Variants in PTPN4 observed in about 807,000 individuals in gnomAD.
PTPN4 encodes tyrosine-protein phosphatase non-receptor type 4.
A neutral mutation model predicts 135.5 loss-of-function variants in PTPN4; 49 were observed. That is an observed-to-expected ratio of 0.36 (90% CI 0.29 to 0.46). PTPN4 has a LOEUF of 0.46. Among genes scored for constraint, PTPN4 ranks in the 20% least tolerant of loss-of-function variants. The pLI, the probability that PTPN4 is intolerant of heterozygous loss-of-function variation, is 1.00. For synonymous variants in PTPN4, 333 were observed against 369.9 expected (o/e 0.90, Z 1.14); for missense variants, 860 against 1,101.0 (o/e 0.78, Z 3.10).
chr2:119,937,773 A>G (rs1679004609), intron 15 of PTPN4, among the ~76,000 whole-genome samples: 1 of 152,130 alleles, frequency 6.6e-6, no homozygotes, highest in Non-Finnish European at 1.5e-5. Context: ...ACATTTTCCA[A>G]AATGTCAGAT....
intron 26 of PTPN4, among the ~76,000 whole-genome samples, chr2:119,975,900 G>A (rs1293753916): frequency 1.3e-5 from 2 of 151,794 alleles, no homozygotes; most frequent in Non-Finnish European, 2.9e-5. Context: ...ATTTAATGAA[G>A]TCTAGTCTAG....
At chr2:119,905,406 G>A (rs541141176) in intron 10 of PTPN4, among the ~76,000 whole-genome samples, 12 of 152,260 alleles carry the variant, frequency 7.9e-5, no homozygotes, top group African/African-American at 1.4e-4. Context: ...AAATGATAAA[G>A]GGATCAATTC....
intron 9 of PTPN4, among the ~76,000 whole-genome samples, chr2:119,897,119 G>A (rs892367533): frequency 1.3e-5 from 2 of 151,918 alleles, no homozygotes; most frequent in African/African-American, 4.8e-5. Context: ...TTTTGATAGA[G>A]ACGGGGTTTC....
chr2:119,805,858 A>G (rs1453242145), intron 1 of PTPN4, among the ~76,000 whole-genome samples: 1 of 152,208 alleles, frequency 6.6e-6, no homozygotes, highest in Non-Finnish European at 1.5e-5. Flanking sequence ...TTGAATCTAT[A>G]AATTACCTTG....
At chr2:119,887,073 CT>C (rs1333952136) in intron 9 of PTPN4, among the ~76,000 whole-genome samples, 2 of 150,940 alleles carry the variant, frequency 1.3e-5, no homozygotes, top group Admixed American at 1.3e-4. Flanking sequence ...GGGCCTATAT[CT>C]TTTGAACATG....
At chr2:119,836,407 C>G (rs1216279063) in intron 2 of PTPN4, among the ~76,000 whole-genome samples, 2 of 152,210 alleles carry the variant, frequency 1.3e-5, no homozygotes, top group Non-Finnish European at 2.9e-5. Context: ...AAGAAAAATT[C>G]ACCCAAGACT....
At chr2:119,770,970 C>T (rs1690722790) in intron 1 of PTPN4, among the ~76,000 whole-genome samples, 1 of 151,710 alleles carries the variant, frequency 6.6e-6, no homozygotes, top group Non-Finnish European at 1.5e-5. Flanking sequence ...ACCGCTGGCT[C>T]CTGGGTTCAA....
intron 1 of PTPN4, among the ~76,000 whole-genome samples, chr2:119,803,865 G>C (rs769415079): frequency 6.6e-6 from 1 of 151,288 alleles, no homozygotes; most frequent in Non-Finnish European, 1.5e-5. Context: ...GTAATGTCTC[G>C]GTGGCTTGAC....
intron 3 of PTPN4, among the ~76,000 whole-genome samples, chr2:119,876,940 T>TGTGTGTGTGCGC (rs1182103102): frequency 6.7e-6 from 1 of 148,480 alleles, no homozygotes; most frequent in Non-Finnish European, 1.5e-5. Context: ...TGTGTGTGTG[T>TGTGTGTGTGCGC]GCGTGAAGGG....
intron 9 of PTPN4, among the ~76,000 whole-genome samples, chr2:119,892,915 A>G (rs1323562393): frequency 6.8e-6 from 1 of 146,456 alleles, no homozygotes; most frequent in Non-Finnish European, 1.5e-5. Context: ...TTAAGTGGAG[A>G]TGGAGTCTTG....
intron 26 of PTPN4, among the ~76,000 whole-genome samples, chr2:119,974,452 A>G (rs906020295): frequency 6.6e-6 from 1 of 151,534 alleles, no homozygotes; most frequent in East Asian, 1.9e-4. Context: ...CAGGTGATCC[A>G]CCCGCCTCGA....
At chr2:119,808,867 G>A (rs976462081) in intron 1 of PTPN4, among the ~76,000 whole-genome samples, 3 of 152,130 alleles carry the variant, frequency 2.0e-5, no homozygotes, top group African/African-American at 7.2e-5. Context: ...ATCTGTGAGA[G>A]ATCAGCTCCA....
intron 11 of PTPN4, chr2:119,916,192 C>T (rs890675125): frequency 6.7e-5 from 10 of 148,382 alleles, no homozygotes; most frequent in Non-Finnish European, 1.5e-4. Flanking sequence ...ATAGGGAGGC[C>T]CTGTCTCAAA....
intron 15 of PTPN4, among the ~76,000 whole-genome samples, chr2:119,939,638 T>G (rs1401930093): frequency 6.6e-6 from 1 of 152,142 alleles, no homozygotes; most frequent in Non-Finnish European, 1.5e-5. Context: ...CCCCGAGCCA[T>G]TCTTTCCTGG....
At chr2:119,774,972 G>A (rs551183394) in intron 1 of PTPN4, among the ~76,000 whole-genome samples, 5 of 151,282 alleles carry the variant, frequency 3.3e-5, no homozygotes, top group East Asian at 1.9e-4. Context: ...AGCCAATATC[G>A]CGCCACTGCA....
chr2:119,948,309 A>C (rs1215549495), intron 18 of PTPN4, among the ~76,000 whole-genome samples: 1 of 152,174 alleles, frequency 6.6e-6, no homozygotes, highest in Non-Finnish European at 1.5e-5. Context: ...ATATATCTAA[A>C]GTGTTGAAAA....
chr2:119,962,288 C>T (rs1298159107), intron 23 of PTPN4, among the ~76,000 whole-genome samples: 2 of 152,104 alleles, frequency 1.3e-5, no homozygotes, highest in Non-Finnish European at 2.9e-5. Context: ...AACCCCGTCT[C>T]TACTAAAAAT....
intron 3 of PTPN4, among the ~76,000 whole-genome samples, chr2:119,876,897 A>G (rs62167257): frequency 0.016 from 2,120 of 136,154 alleles, 33 homozygotes; most frequent in Non-Finnish European, 0.022. Context: ...GCCCAAGAGC[A>G]TGTGTGTGTG....
chr2:119,790,967 T>C (rs1426191595), intron 1 of PTPN4, among the ~76,000 whole-genome samples: 1 of 152,188 alleles, frequency 6.6e-6, no homozygotes, highest in East Asian at 1.9e-4. Flanking sequence ...CCTTTCCCCT[T>C]CCTTTGTATT....
Sources: gnomAD v4.1 joint callset for allele counts (sites outside exome capture counted in the v4.1 genomes callset) on GRCh38, gnomAD v4.1.1 for gene constraint, MANE v1.5 for transcripts, NCBI Gene and HGNC (gene_info 2026-07-23, HGNC 2026-07-21) for gene names.